MAST2: variants seen among roughly 807,000 people sequenced by gnomAD.
MAST2 encodes microtubule-associated serine/threonine-protein kinase 2.
A neutral mutation model predicts 147.4 loss-of-function variants in MAST2; 70 were observed. That is an observed-to-expected ratio of 0.47 (90% confidence interval 0.39 to 0.58). MAST2 has a LOEUF of 0.58. Ranked by LOEUF, MAST2 falls within the 20% of genes least tolerant of loss-of-function variation. The probability of loss-of-function intolerance (pLI) is 0.00; values close to 1 mark genes in which losing one functional copy is unlikely to be tolerated. For missense variants in MAST2, 2,080 were observed against 2,302.3 expected, an observed-to-expected ratio of 0.90 and a Z score of 1.98; for synonymous variants, 869 against 896.8, an observed-to-expected ratio of 0.97 and a Z score of 0.55.
At chr1:45,990,122 A>G (rs1364138611) in intron 5 of MAST2, among the ~76,000 whole-genome samples, 1 of 152,194 alleles carries the variant, frequency 6.6e-6, no homozygotes, top group East Asian at 1.9e-4. Flanking sequence ...GTGTGGGAAG[A>G]CTGTGTTTAG....
chr1:45,962,859 A>G (rs1453493062), intron 5 of MAST2, among the ~76,000 whole-genome samples: 1 of 152,134 alleles, frequency 6.6e-6, no homozygotes, highest in Non-Finnish European at 1.5e-5. Context: ...CCTGAATGGT[A>G]TTGCCTAGGT....
intron 3 of MAST2, among the ~76,000 whole-genome samples, chr1:45,870,373 A>G (rs1356298934): frequency 6.6e-6 from 1 of 152,132 alleles, no homozygotes; most frequent in African/African-American, 2.4e-5. Flanking sequence ...ACTCAGGAAT[A>G]ATGTATGATT....
At position 46,023,016 on chromosome 1, in the gene MAST2, A is replaced by C. The variant is rs770720316; in HGVS notation, c.1485+45A>C. On this transcript the variant is annotated intron_variant, in intron 13 of 28. Coordinates refer to ENST00000361297, the MANE Select transcript of MAST2 (RefSeq NM_015112.3). The surrounding 1 kb of genome is among the most constrained non-coding windows in gnomAD (Gnocchi z 4.9). ...ACCCCATTCCTGGAGCCTGGGCCCTATGAAGCAAAGAGCTATGAATTCTCT... is the reference window on the plus strand; with the variant it reads ...ACCCCATTCCTGGAGCCTGGGCCCTCTGAAGCAAAGAGCTATGAATTCTCT... 2 of 1,562,692 alleles carry C rather than the reference A, an allele frequency of 1.3e-6. No homozygotes were observed. The highest frequency in any genetic ancestry group is 2.2e-5 in the South Asian group (2 of 89,572).
chr1:45,903,585 C>T (rs2148505550), intron 4 of MAST2, among the ~76,000 whole-genome samples: 1 of 152,234 alleles, frequency 6.6e-6, no homozygotes, highest in East Asian at 1.9e-4. Flanking sequence ...TGTTTAGTTT[C>T]CATGTACTTG....
intron 21 of MAST2, 179 bp downstream of exon 21, chr1:46,030,417 TG>T: frequency 1.2e-6 from 1 of 822,822 alleles, no homozygotes. Flanking sequence ...GAACCACTGC[TG>T]TCCCTGACAT....
chr1:45,909,669 C>A (rs1208353439), intron 4 of MAST2, among the ~76,000 whole-genome samples: 1 of 151,964 alleles, frequency 6.6e-6, no homozygotes, highest in African/African-American at 2.4e-5. Flanking sequence ...AGGCATGCGC[C>A]CCCACGCCCA....
Position 46,031,338 on chromosome 1 carries a change from G to A in MAST2, c.2992+48G>A, listed in dbSNP as rs1553136008. On this transcript the variant is annotated intron_variant, in intron 23 of 28. Coordinates refer to ENST00000361297, the MANE Select transcript of MAST2 (RefSeq NM_015112.3). The surrounding 1 kb of genome is among the most constrained non-coding windows in gnomAD (Gnocchi z 4.1). Reference sequence around the variant, plus strand: ...ACGACCTAAGCTGGAGGATACTGCAGGGCAGGGAGGCTCAGCGGCATCGCG... The same window carrying A: ...ACGACCTAAGCTGGAGGATACTGCAAGGCAGGGAGGCTCAGCGGCATCGCG... The A allele has an allele frequency of 6.4e-7, 1 of 1,573,398 alleles. No individual in the cohort carries two copies. Among genetic ancestry groups the A allele is most frequent in the East Asian group, 2.3e-5 (1 of 44,376 alleles).
At chr1:45,914,398 A>T (rs1652145665) in intron 4 of MAST2, among the ~76,000 whole-genome samples, 1 of 152,178 alleles carries the variant, frequency 6.6e-6, no homozygotes, top group Non-Finnish European at 1.5e-5. Flanking sequence ...ATTAGGTGAG[A>T]ATATCAAAGC....
chr1:45,956,634 C>T (rs756067672), intron 4 of MAST2, among the ~76,000 whole-genome samples: 8 of 152,186 alleles, frequency 5.3e-5, no homozygotes, highest in Non-Finnish European at 8.8e-5. Context: ...GAACTACATC[C>T]GATACAGCTT....
chr1:45,998,100 G>A lies in MAST2; in HGVS notation c.668+301G>A, dbSNP rs553066702. Among the ~76,000 whole-genome samples the A allele has an allele frequency of 3.9e-5, 6 of 152,224 alleles. No homozygotes were observed. The South Asian group carries it at 6.2e-4, about 16-fold the overall frequency. ...TTTTTAAGTCCCTGATGTCCTACGG[G>A]TATGTTCCAAAGCATTATACTCTCA... is the stretch of plus-strand genomic sequence containing the variant. On this transcript the variant is annotated intron_variant, in intron 6 of 28. Transcript: ENST00000361297.
intron 5 of MAST2, among the ~76,000 whole-genome samples, chr1:45,982,816 G>A (rs1387127924): frequency 6.6e-6 from 1 of 152,182 alleles, no homozygotes; most frequent in Non-Finnish European, 1.5e-5. Flanking sequence ...TGTTGGAAGT[G>A]CGGCAGTCTT....
chr1:45,828,639 C>T (rs1246036778), intron 2 of MAST2, among the ~76,000 whole-genome samples: 1 of 152,092 alleles, frequency 6.6e-6, no homozygotes, highest in Non-Finnish European at 1.5e-5. Context: ...AAAGTCATTG[C>T]AGGTCGGGCG....
At position 46,035,111 on chromosome 1, in the gene MAST2, T is replaced by G. The variant is rs1646847174; in HGVS notation, c.4442T>G (p.Leu1481Arg). The G allele has an allele frequency of 1.9e-6, 3 of 1,613,478 alleles. No homozygotes were observed. Among genetic ancestry groups the G allele is most frequent in the Middle Eastern group, 1.7e-4 (1 of 6,060 alleles). The change falls in exon 29 of 29, where the codon CTC becomes CGC. Residue 1481 changes from leucine to arginine, a missense_variant. Around this residue, in one of 4 missense-constraint regions of MAST2, gnomAD observed 1,278 missense variants for 1,304.2 expected, o/e 0.98. Coordinates refer to ENST00000361297, the MANE Select transcript of MAST2 (RefSeq NM_015112.3). The surrounding 1 kb of genome is among the most constrained non-coding windows in gnomAD (Gnocchi z 5.5). The part of the protein sequence containing the change: ...QPAPSRALGT[L>R]RQDRAERRES... The stretch of plus-strand genomic sequence containing the variant: ...GCTCCCTCACGGGCCCTAGGCACCC[T>G]CCGGCAGGACCGAGCCGAACGACGG...
At chr1:45,946,817 T>C (rs1216830615) in intron 4 of MAST2, among the ~76,000 whole-genome samples, 1 of 152,224 alleles carries the variant, frequency 6.6e-6, no homozygotes, top group Non-Finnish European at 1.5e-5. Context: ...TGGTCACGAC[T>C]AAAGACTTTG....
intron 4 of MAST2, among the ~76,000 whole-genome samples, chr1:45,928,400 CTA>C (rs1236973131): frequency 6.6e-6 from 1 of 152,132 alleles, no homozygotes; most frequent in Non-Finnish European, 1.5e-5. Flanking sequence ...AGTAGCCAAA[CTA>C]TGTCAGCACA....
At chr1:45,804,222 G>A in intron 1 of MAST2, 150 bp downstream of exon 1, 1 of 1,003,954 alleles carries the variant, frequency 1.0e-6, no homozygotes, top group Non-Finnish European at 1.3e-6. Context: ...GCCGAGAAAT[G>A]GGGAGTGGAG....
intron 6 of MAST2, among the ~76,000 whole-genome samples, chr1:46,001,957 A>G (rs1014210923): frequency 7.9e-5 from 12 of 152,184 alleles, no homozygotes; most frequent in Admixed American, 3.9e-4. Flanking sequence ...TCTAACTTCA[A>G]CCAGAGCAGG....
intron 4 of MAST2, among the ~76,000 whole-genome samples, chr1:45,904,756 G>A (rs892500695): frequency 3.3e-5 from 5 of 152,002 alleles, no homozygotes; most frequent in Admixed American, 2.0e-4. Context: ...ACGAGCCACC[G>A]CACCCAACCC....
At chr1:46,003,261 A>G (rs2149195565) in intron 7 of MAST2, among the ~76,000 whole-genome samples, 1 of 152,328 alleles carries the variant, frequency 6.6e-6, no homozygotes, top group South Asian at 2.1e-4. Flanking sequence ...TCATATCTGA[A>G]GCACTTGGTA....
Sources: gnomAD v4.1 joint callset for allele counts (sites outside exome capture counted in the v4.1 genomes callset) on GRCh38, gnomAD v4.1.1 for gene constraint, gnomAD v4.1.1 regional missense constraint, Gnocchi (gnomAD v3.1) non-coding constraint, MANE v1.5 for transcripts, NCBI Gene and HGNC (gene_info 2026-07-23, HGNC 2026-07-21) for gene names.